The following EDRF1 variants were observed in gnomAD, a reference collection of about 807,000 sequenced individuals.
The protein encoded by EDRF1 is erythroid differentiation regulatory factor 1, also known as erythroid differentiation-related factor 1.
A neutral mutation model predicts 148.7 loss-of-function variants in EDRF1; 69 were observed. The ratio of observed to expected loss-of-function variants is 0.46; its 90% CI spans 0.38 to 0.57. The LOEUF (loss-of-function observed/expected upper bound fraction) is 0.57, where lower values mean the gene tolerates loss of function less well. Among genes scored for constraint, EDRF1 ranks in the 20% least tolerant of loss-of-function variants. EDRF1 has a pLI of 0.00. For missense variants in EDRF1, 1,118 were observed against 1,478.7 expected (o/e 0.76, Z 4.00); for synonymous variants, 515 against 532.8 (o/e 0.97, Z 0.46).
intron 8 of EDRF1, among the ~76,000 whole-genome samples, chr10:125,730,069 C>A (rs1848425705): frequency 6.6e-6 from 1 of 152,130 alleles, no homozygotes; most frequent in Admixed American, 6.5e-5. Flanking sequence ...TGAAAACTTA[C>A]CAATGTCAGT....
chr10:125,743,890 AAGTAAGATGTGGGATGGCGT>A (rs1361164109), intron 18 of EDRF1, among the ~76,000 whole-genome samples: 1 of 152,126 alleles, frequency 6.6e-6, no homozygotes, highest in African/African-American at 2.4e-5. Flanking sequence ...GATAGTGGGT[AAGTAAGATGTGGGATGGCGT>A]AGTAAGATGT....
In EDRF1 at chr10:125,763,679, C is replaced by T; in HGVS notation, c.*207C>T. ...TTGAAGTGCTAACATCAGAATCAAA[C>T]TTAAAGCTTCCACTATTTATGTCTT... On this transcript the variant is annotated 3_prime_UTR_variant, in exon 25 of 25. Transcript: ENST00000356792. The surrounding 1 kb of genome is among the most constrained non-coding windows in gnomAD (Gnocchi z 4.3). 2 of 618,198 alleles carry T rather than the reference C, an allele frequency of 3.2e-6. No homozygotes were observed. Among genetic ancestry groups the T allele is most frequent in the Admixed American group, 2.9e-5 (1 of 34,182 alleles). 38.3% of individuals were successfully genotyped at this position (618,198 alleles called of 1,614,324 possible).
Position 125,763,743 on chromosome 10 carries a change from G to A in EDRF1, c.*271G>A, listed in dbSNP as rs1850289981. 1 of 490,558 alleles carries A rather than the reference G, an allele frequency of 2.0e-6. No homozygotes were observed. Among genetic ancestry groups the A allele is most frequent in the South Asian group, 2.2e-5 (1 of 46,120 alleles). The allele number at this position is 490,558 out of a possible 1,614,324, so 30.4% of individuals were successfully genotyped here. A position where few individuals can be genotyped will look rare whatever the true frequency, so the allele number is the denominator to read the frequency against. On this transcript the variant is annotated 3_prime_UTR_variant, in exon 25 of 25. Transcript: ENST00000356792. The surrounding 1 kb of genome is among the most constrained non-coding windows in gnomAD (Gnocchi z 4.3). ...GTACCTCGGTATTAACAGACCTGCT[G>A]TGATGCAGTTACACTTTCACGTATT...
intron 2 of EDRF1, among the ~76,000 whole-genome samples, chr10:125,722,707 T>C (rs935486130): frequency 1.3e-5 from 2 of 152,170 alleles, no homozygotes; most frequent in Non-Finnish European, 1.5e-5. Context: ...TTTTCTTATC[T>C]CTCCACCTAA....
At position 125,719,777 on chromosome 10, in the gene EDRF1, C is replaced by A. The variant is rs1300597741; in HGVS notation, c.-31C>A. 6 of 1,580,832 alleles carry A rather than the reference C, an allele frequency of 3.8e-6. No individual in the cohort carries two copies. The highest frequency in any genetic ancestry group is 3.5e-6 in the Non-Finnish European group (4 of 1,156,676). On this transcript the variant is annotated 5_prime_UTR_variant, in exon 1 of 25. Transcript: ENST00000356792. ...GTTGCTGCTGCTGCTCCTCCGCTCC[C>A]CCGTCGTATCGCCTGCCCTGGATCG... is the stretch of plus-strand genomic sequence containing the variant.
intron 18 of EDRF1, chr10:125,745,149 G>GT: frequency 6.0e-6 from 1 of 166,634 alleles, no homozygotes; most frequent in Non-Finnish European, 1.3e-5. Flanking sequence ...GCAGGATGGT[G>GT]AGAGACTTCA....
chr10:125,754,331 C>T (rs1849789010), intron 24 of EDRF1, among the ~76,000 whole-genome samples: 2 of 152,058 alleles, frequency 1.3e-5, no homozygotes, highest in African/African-American at 4.8e-5. Context: ...TAGGTAAGAA[C>T]CCTCTCCACA....
intron 15 of EDRF1, 38 bp from the exon 16 acceptor site, chr10:125,740,425 T>C (rs1275877977): frequency 6.2e-7 from 1 of 1,605,028 alleles, no homozygotes; most frequent in Non-Finnish European, 8.5e-7. Context: ...TACAGTCAAA[T>C]GAAATGTGCT....
At chr10:125,750,090 A>G (rs968904365) in intron 22 of EDRF1, among the ~76,000 whole-genome samples, 1 of 152,194 alleles carries the variant, frequency 6.6e-6, no homozygotes, top group Non-Finnish European at 1.5e-5. Flanking sequence ...GCAGTGAGCC[A>G]AGATCGTGCC....
In EDRF1 at chr10:125,738,426, G is replaced by C. The variant is rs2133710646; in HGVS notation, c.1962G>C (p.Met654Ile). ...GTCCCGAGGGGCTAGAGAAGCAGAT[G>C]GCCTTGTTTTTGGACAAAAGTAAGT... ...RGGPEGLEKQ[M>I]ALFLDKMGSL... The change falls in exon 15 of 25, where the codon ATG becomes ATC. Residue 654 changes from methionine (M) to isoleucine (I), a missense_variant. Physicochemically the swap from Met to Ile is conservative, Grantham distance 10. Around this residue, in one of 3 missense-constraint regions of EDRF1, gnomAD observed 954 missense variants for 1,241.4 expected, o/e 0.77. Coordinates refer to ENST00000356792, the MANE Select transcript of EDRF1 (RefSeq NM_001202438.2). 1 of 1,613,970 alleles carries C rather than the reference G, an allele frequency of 6.2e-7. No homozygotes were observed. The highest frequency in any genetic ancestry group is 2.2e-5 in the East Asian group (1 of 44,876).
At position 125,764,032 on chromosome 10, in the gene EDRF1, A is replaced by G. The variant is rs1043609548; in HGVS notation, c.*560A>G. ...TCTGAAAGGATTCACTTTTGACTTTATATGACAGTTGATCAAGAACAGGTA... is the reference window on the plus strand; with the variant it reads ...TCTGAAAGGATTCACTTTTGACTTTGTATGACAGTTGATCAAGAACAGGTA... On this transcript the variant is annotated 3_prime_UTR_variant, in exon 25 of 25. Coordinates refer to ENST00000356792, the MANE Select transcript of EDRF1 (RefSeq NM_001202438.2). 3 of 154,930 alleles carry G rather than the reference A, an allele frequency of 1.9e-5. No individual in the cohort carries two copies. Among genetic ancestry groups the G allele is most frequent in the African/African-American group, 7.2e-5 (3 of 41,478 alleles). The allele number at this position is 154,930 out of a possible 1,614,324, so 9.6% of individuals were successfully genotyped here.
intron 18 of EDRF1, chr10:125,744,791 T>A (rs1170839331): frequency 6.6e-6 from 1 of 152,268 alleles, no homozygotes; most frequent in Non-Finnish European, 1.5e-5. Context: ...TTAAGTGTTG[T>A]ACAGTAGACC....
chr10:125,721,153 T>C (rs776589868), intron 1 of EDRF1, 51 bp from the exon 2 acceptor site: 1 of 1,577,114 alleles, frequency 6.3e-7, no homozygotes, highest in Non-Finnish European at 8.7e-7. Flanking sequence ...AAAGGTGAGA[T>C]TTTTCGTTCT....
At chr10:125,740,392 A>G (rs1474973176) in intron 15 of EDRF1, 71 bp from the exon 16 acceptor site, 8 of 1,505,922 alleles carry the variant, frequency 5.3e-6, no homozygotes, top group Non-Finnish European at 7.3e-6. Flanking sequence ...AAGAAACAGA[A>G]AATATTTTTT....
In EDRF1 at chr10:125,741,134, G is replaced by A. The variant is rs1257131790; in HGVS notation, c.2304G>A (p.Glu768=). 6.2e-7 allele frequency: 1 copy of A among 1,614,036 alleles called. No homozygotes were observed. Among genetic ancestry groups the A allele is most frequent in the African/African-American group, 1.3e-5 (1 of 74,896 alleles). ...NANNRAAHLE[E]FHYQTKEDQE... Reference sequence around the variant, plus strand: ...ATAATAGAGCAGCACACCTTGAAGAGTTTCATTACCAAACAAAAGAAGACC... The same window carrying A: ...ATAATAGAGCAGCACACCTTGAAGAATTTCATTACCAAACAAAAGAAGACC... The change falls in exon 17 of 25, where the codon GAG becomes GAA. Residue 768 remains glutamate, a synonymous_variant. Transcript: ENST00000356792.
chr10:125,749,806 C>T (rs1435948745), intron 22 of EDRF1: 1 of 508,336 alleles, frequency 2.0e-6, no homozygotes, highest in Non-Finnish European at 3.5e-6. Context: ...CCCATGACCC[C>T]TAGTTTGGAA....
intron 3 of EDRF1, 74 bp downstream of exon 3, chr10:125,723,208 G>C: frequency 7.7e-7 from 1 of 1,304,314 alleles, no homozygotes; most frequent in Non-Finnish European, 1.1e-6. Context: ...GCTGTGTTTT[G>C]CATAATATAA....
At chr10:125,753,382 C>G (rs1014996580) in intron 23 of EDRF1, among the ~76,000 whole-genome samples, 1 of 152,054 alleles carries the variant, frequency 6.6e-6, no homozygotes, top group Non-Finnish European at 1.5e-5. Context: ...TCCTGAAGCC[C>G]CCATGTTGCG....
At chr10:125,728,094 C>T (rs1344850606) in intron 6 of EDRF1, among the ~76,000 whole-genome samples, 1 of 150,628 alleles carries the variant, frequency 6.6e-6, no homozygotes, top group Non-Finnish European at 1.5e-5. Flanking sequence ...CCCAGCTACT[C>T]GGGAGGCTGA....
Sources: gnomAD v4.1 joint callset for allele counts (sites outside exome capture counted in the v4.1 genomes callset) on GRCh38, gnomAD v4.1.1 for gene constraint, gnomAD v4.1.1 regional missense constraint, Gnocchi (gnomAD v3.1) non-coding constraint, MANE v1.5 for transcripts, NCBI Gene and HGNC (gene_info 2026-07-23, HGNC 2026-07-21) for gene names.